The following CWF19L2 variants were observed in gnomAD, a reference collection of about 807,000 sequenced individuals.
The protein encoded by CWF19L2 is CWF19 like cell cycle control factor 2.
A neutral mutation model predicts 111.7 loss-of-function variants in CWF19L2; 98 were observed. That is an observed-to-expected ratio of 0.88 (90% CI 0.75 to 1.04). The LOEUF is 1.04. Ranked by LOEUF, CWF19L2 falls within the 50% of genes least tolerant of loss-of-function variation. CWF19L2 has a pLI of 0.00. For missense variants in CWF19L2, 1,101 were observed against 1,051.4 expected (o/e 1.05, Z -0.65); for synonymous variants, 351 against 342.9 (o/e 1.02, Z -0.26).
intron 4 of CWF19L2, among the ~76,000 whole-genome samples, chr11:107,441,988 ATGAAC>A (rs549154422): frequency 2.1e-4 from 32 of 152,216 alleles, no homozygotes; most frequent in Non-Finnish European, 4.0e-4. Context: ...CCTGAGGCAG[ATGAAC>A]TATAGCCCAA....
At chr11:107,383,070 A>G (rs1565262192) in intron 12 of CWF19L2, among the ~76,000 whole-genome samples, 1 of 152,218 alleles carries the variant, frequency 6.6e-6, no homozygotes, top group Non-Finnish European at 1.5e-5. Context: ...CTCTTCACCT[A>G]TATCCTTTAT....
In CWF19L2 at chr11:107,375,585, C is replaced by T. The variant is rs1190570069; in HGVS notation, c.1872+14489G>A. ...TCTTCGAAACCAACAAGAACAAAGA[C>T]ACAACATACCAGAATCTCTGGGACG... On this transcript the variant is annotated intron_variant, in intron 12 of 17. Coordinates refer to ENST00000282251, the MANE Select transcript of CWF19L2 (RefSeq NM_152434.3). Among the ~76,000 whole-genome samples the T allele has an allele frequency of 2.8e-3, 375 of 135,282 alleles. 16 individuals carry two copies. Among genetic ancestry groups the T allele is most frequent in the African/African-American group, 9.6e-3 (336 of 35,026 alleles). 88.8% of individuals were successfully genotyped at this position (135,282 alleles called of 152,430 possible).
Position 107,455,766 on chromosome 11 carries a change from T to C in CWF19L2, c.116A>G (p.Asn39Ser), listed in dbSNP as rs1440725219. ...TTTACGCCTTTCTTCTTTTTCAAAATTGGCTTTAGCCTACAACCAAAGAAA... is the reference window on the plus strand; with the variant it reads ...TTTACGCCTTTCTTCTTTTTCAAAACTGGCTTTAGCCTACAACCAAAGAAA... ...RAEVLRQAKA[N>S]FEKEERRKEL... Residue 39 changes from asparagine (N) to serine (S), a missense_variant, in exon 2 of 18, where the codon AAT becomes AGT. Physicochemically the swap from Asn to Ser is conservative, Grantham distance 46. Coordinates refer to ENST00000282251, the MANE Select transcript of CWF19L2 (RefSeq NM_152434.3). The C allele has an allele frequency of 1.3e-6, 2 of 1,550,114 alleles. No individual in the cohort carries two copies. Among genetic ancestry groups the C allele is most frequent in the Non-Finnish European group, 1.7e-6 (2 of 1,146,122 alleles).
In CWF19L2 at chr11:107,371,560, A is replaced by G. The variant is rs749881169; in HGVS notation, c.1873-17824T>C. 8.6e-5 allele frequency among the ~76,000 whole-genome samples: 10 copies of G among 115,924 alleles called. 2 individuals carry two copies. Among genetic ancestry groups the G allele is most frequent in the Non-Finnish European group, 1.7e-4 (10 of 58,238 alleles). The allele number at this position is 115,924 out of a possible 152,430, so 76.1% of individuals were successfully genotyped here. ...AGTTTTATTAAAGCAAGCTAATAAC[A>G]TGCTCATGCCATTTGTTAAACATGA... On this transcript the variant is annotated intron_variant, in intron 12 of 17. Transcript: ENST00000282251.
chr11:107,378,007 C>A (rs887979718), intron 12 of CWF19L2, among the ~76,000 whole-genome samples: 1 of 152,060 alleles, frequency 6.6e-6, no homozygotes, highest in African/African-American at 2.4e-5. Context: ...CCAAAAAACA[C>A]ATGAAAAAAT....
At chr11:107,395,695 T>C (rs1178313217) in intron 10 of CWF19L2, among the ~76,000 whole-genome samples, 1 of 152,212 alleles carries the variant, frequency 6.6e-6, no homozygotes, top group African/African-American at 2.4e-5. Context: ...GTAAATTTTA[T>C]TTCTTCTGCG....
At position 107,373,963 on chromosome 11, in the gene CWF19L2, C is replaced by T. The variant is rs1228160493; in HGVS notation, c.1872+16111G>A. ...GCTGAAAACCAAGGCTCGAGAACTA[C>T]GTGAAGAATGCAGAAGCCTCAGGAG... On this transcript the variant is annotated intron_variant, in intron 12 of 17. Transcript: ENST00000282251. Among the ~76,000 whole-genome samples the T allele has an allele frequency of 1.0e-4, 14 of 135,572 alleles. 1 individual carries two copies. The highest frequency in any genetic ancestry group is 2.4e-4 in the African/African-American group (8 of 33,500). 88.9% of individuals were successfully genotyped at this position (135,572 alleles called of 152,430 possible).
intron 10 of CWF19L2, among the ~76,000 whole-genome samples, chr11:107,400,709 A>G (rs965883856): frequency 6.6e-5 from 10 of 152,220 alleles, no homozygotes; most frequent in African/African-American, 2.4e-4. Flanking sequence ...TCCCTAATTC[A>G]TTCTGTGAAG....
intron 10 of CWF19L2, 105 bp from the exon 11 acceptor site, chr11:107,393,000 CGTT>C: frequency 1.5e-6 from 1 of 681,502 alleles, no homozygotes; most frequent in Admixed American, 3.6e-5. Flanking sequence ...TTCCACATAA[CGTT>C]GTGGATTGCC....
Position 107,416,295 on chromosome 11 carries a change from AT to A in CWF19L2, c.1530del (p.Glu510AspfsTer2), listed in dbSNP as rs1161487997. 48 of 1,402,816 alleles carry A rather than the reference AT, an allele frequency of 3.4e-5. No individual in the cohort carries two copies. Among genetic ancestry groups the A allele is most frequent in the Non-Finnish European group, 4.4e-5 (46 of 1,043,490 alleles). The allele number at this position is 1,402,816 out of a possible 1,614,324, so 86.9% of individuals were successfully genotyped here. The part of the protein sequence containing the change: ...IIKAEMMGNM[E>X]LAEQLKVQLE... ...AGTTGAACTTTAAGTTGTTCAGCTA[AT>A]TCCTTCAAAAAGAAAAACAAGTAAA... On this transcript the variant is annotated frameshift_variant and splice_region_variant, in exon 10 of 18. Transcript: ENST00000282251. LOFTEE classifies it high-confidence loss of function.
At chr11:107,344,693 T>A (rs560379189) in intron 14 of CWF19L2, among the ~76,000 whole-genome samples, 1 of 152,210 alleles carries the variant, frequency 6.6e-6, no homozygotes, top group Non-Finnish European at 1.5e-5. Context: ...AATTAGAACA[T>A]CTCTGTTATC....
In CWF19L2 at chr11:107,429,541, A is replaced by G. The variant is rs9667353; in HGVS notation, c.781-90T>C. 2,167 of 1,010,636 alleles carry G rather than the reference A, an allele frequency of 2.1e-3. 32 individuals carry two copies. In the African/African-American group the frequency reaches 0.032, roughly 15 times the overall value. The allele number at this position is 1,010,636 out of a possible 1,614,324, so 62.6% of individuals were successfully genotyped here. ...CATGTCACTGTATGACTCACTGCCA[A>G]GTGGCACACTGAAAAGCCCACTAAC... is the stretch of plus-strand genomic sequence containing the variant. On this transcript the variant is annotated intron_variant, in intron 7 of 17. Coordinates refer to ENST00000282251, the MANE Select transcript of CWF19L2 (RefSeq NM_152434.3).
intron 12 of CWF19L2, among the ~76,000 whole-genome samples, chr11:107,361,026 A>G (rs1370336807): frequency 6.6e-6 from 1 of 152,190 alleles, no homozygotes; most frequent in Non-Finnish European, 1.5e-5. Flanking sequence ...TTCTTCGCCT[A>G]GATCAATGTC....
At chr11:107,434,170 G>A (rs1861508132) in intron 6 of CWF19L2, among the ~76,000 whole-genome samples, 1 of 151,556 alleles carries the variant, frequency 6.6e-6, no homozygotes. Flanking sequence ...GGGTAGGGAG[G>A]ACATTCCAAG....
In CWF19L2 at chr11:107,361,553, G is replaced by C. The variant is rs562245185; in HGVS notation, c.1873-7817C>G. 7.2e-5 allele frequency among the ~76,000 whole-genome samples: 11 copies of C among 152,254 alleles called. No individual in the cohort carries two copies. In the South Asian group the frequency reaches 2.3e-3, roughly 32 times the overall value. The stretch of plus-strand genomic sequence containing the variant: ...TGATAGAGATTATAATCAACCTGTA[G>C]ATTACTCTGGCCAGTATGGCAATTT... On this transcript the variant is annotated intron_variant, in intron 12 of 17. Transcript: ENST00000282251.
chr11:107,450,287 T>C (rs1861760402), intron 3 of CWF19L2, among the ~76,000 whole-genome samples: 1 of 152,080 alleles, frequency 6.6e-6, no homozygotes, highest in African/African-American at 2.4e-5. Flanking sequence ...TCTCAAAAAC[T>C]TTTTAACAAC....
intron 8 of CWF19L2, among the ~76,000 whole-genome samples, chr11:107,421,324 C>T (rs1293950000): frequency 6.6e-6 from 1 of 151,846 alleles, no homozygotes; most frequent in African/African-American, 2.4e-5. Context: ...AATCAATCAC[C>T]TCATCTTACA....
At chr11:107,411,128 A>G (rs1452123290) in intron 10 of CWF19L2, among the ~76,000 whole-genome samples, 4 of 146,628 alleles carry the variant, frequency 2.7e-5, no homozygotes, top group Admixed American at 6.7e-5. Flanking sequence ...CTATCATAAA[A>G]CAGCAAGGTA....
At chr11:107,451,602 A>G (rs1000104854) in intron 3 of CWF19L2, among the ~76,000 whole-genome samples, 2 of 152,168 alleles carry the variant, frequency 1.3e-5, no homozygotes, top group African/African-American at 4.8e-5. Context: ...GGGATGAAAG[A>G]GGGGTATCAC....
Sources: allele counts gnomAD v4.1 joint callset (sites outside exome capture counted in the v4.1 genomes callset), GRCh38; gene constraint gnomAD v4.1.1; transcripts MANE v1.5; gene names NCBI Gene and HGNC (gene_info 2026-07-23, HGNC 2026-07-21).